BCKDHB: variants seen among roughly 807,000 people sequenced by gnomAD.
BCKDHB encodes the protein 2-oxoisovalerate dehydrogenase subunit beta, mitochondrial.
In BCKDHB, 41 loss-of-function variants were observed where a neutral mutation model predicts 48.5. The ratio of observed to expected loss-of-function variants is 0.85; its 90% CI spans 0.66 to 1.10. The LOEUF (loss-of-function observed/expected upper bound fraction) is 1.10, where lower values mean the gene tolerates loss of function less well. BCKDHB is among the 50% of genes least tolerant of loss of function. The probability of loss-of-function intolerance (pLI) is 0.00; values close to 1 mark genes in which losing one functional copy is unlikely to be tolerated. For missense variants in BCKDHB, 496 were observed against 494.2 expected, an observed-to-expected ratio of 1.00 and a Z score of -0.03; for synonymous variants, 201 against 174.8, an observed-to-expected ratio of 1.15 and a Z score of -1.18.
the BCKDHB span, among the ~76,000 whole-genome samples, chr6:80,405,864 A>C: frequency 6.6e-6 from 1 of 152,162 alleles, no homozygotes; most frequent in Non-Finnish European, 1.5e-5. Flanking sequence ...TCTAGGGTAC[A>C]TGTGGAAAAC....
chr6:80,203,083 A>T lies in BCKDHB; in HGVS notation c.841-19A>T. 1 of 1,549,282 alleles carries T rather than the reference A, an allele frequency of 6.5e-7. No homozygotes were observed. The highest frequency in any genetic ancestry group is 8.9e-7 in the Non-Finnish European group (1 of 1,121,502). ...GAACCTTTGTAGTCATTCTCTGCAT[A>T]TTTTTCTCTTTATTTCAGGTTCATG... On this transcript the variant is annotated intron_variant, in intron 7 of 9. Transcript: ENST00000320393.
At chr6:80,402,698 G>GT in the BCKDHB span, among the ~76,000 whole-genome samples, 1 of 151,728 alleles carries the variant, frequency 6.6e-6, no homozygotes, top group East Asian at 1.9e-4. Context: ...GTCAAGGAGT[G>GT]TTTTTTCTAT....
chr6:80,152,275 G>A (rs1771823246), intron 3 of BCKDHB, among the ~76,000 whole-genome samples: 1 of 151,796 alleles, frequency 6.6e-6, no homozygotes, highest in South Asian at 2.1e-4. Flanking sequence ...GTTTTAGATT[G>A]CTCCATTTAA....
chr6:80,459,035 T>G, the BCKDHB span, among the ~76,000 whole-genome samples: 3 of 152,134 alleles, frequency 2.0e-5, no homozygotes, highest in Non-Finnish European at 4.4e-5. Flanking sequence ...TTGATGGGAA[T>G]GCAAAGTGGT....
the BCKDHB span, among the ~76,000 whole-genome samples, chr6:80,378,511 G>T: frequency 6.6e-6 from 1 of 152,122 alleles, no homozygotes; most frequent in Admixed American, 6.6e-5. Flanking sequence ...TGTGTATAGA[G>T]AAAATGTGAT....
At chr6:80,267,355 C>T (rs1777555937) in intron 8 of BCKDHB, among the ~76,000 whole-genome samples, 1 of 152,050 alleles carries the variant, frequency 6.6e-6, no homozygotes, top group South Asian at 2.1e-4. Flanking sequence ...TGTCAGCTCC[C>T]TGAAATTCTA....
At chr6:80,200,852 C>G (rs1774355948) in intron 6 of BCKDHB, 82 bp from the exon 7 acceptor site, 1 of 1,101,518 alleles carries the variant, frequency 9.1e-7, no homozygotes, top group Non-Finnish European at 1.4e-6. Context: ...AGCTTTGCTA[C>G]AGTGAGCTTC....
chr6:80,400,254 T>C, the BCKDHB span, among the ~76,000 whole-genome samples: 1 of 151,900 alleles, frequency 6.6e-6, no homozygotes, highest in Admixed American at 6.6e-5. Flanking sequence ...ACTGAAGAGC[T>C]TCTACTCAGC....
intron 8 of BCKDHB, among the ~76,000 whole-genome samples, chr6:80,252,846 CAA>C (rs1314247285): frequency 1.3e-5 from 2 of 152,016 alleles, no homozygotes; most frequent in Non-Finnish European, 2.9e-5. Context: ...ACAGTTTAAA[CAA>C]AAGTCAGTTA....
the BCKDHB span, among the ~76,000 whole-genome samples, chr6:80,359,213 C>T: frequency 5.3e-5 from 8 of 152,292 alleles, no homozygotes; most frequent in East Asian, 1.9e-4. Flanking sequence ...TCAGCCTCTC[C>T]GGAGGCAGAG....
intron 9 of BCKDHB, among the ~76,000 whole-genome samples, chr6:80,285,691 A>G (rs1344102129): frequency 6.6e-6 from 1 of 152,146 alleles, no homozygotes; most frequent in Non-Finnish European, 1.5e-5. Flanking sequence ...TTTTGTCACC[A>G]TGGGTAAACT....
chr6:80,273,027 A>G (rs1777816135), intron 8 of BCKDHB, 108 bp from the exon 9 acceptor site: 1 of 827,024 alleles, frequency 1.2e-6, no homozygotes, highest in East Asian at 2.7e-5. Context: ...TGATTTTTAC[A>G]CTATTTATTG....
At chr6:80,152,242 A>G (rs1199384021) in intron 3 of BCKDHB, among the ~76,000 whole-genome samples, 4 of 152,148 alleles carry the variant, frequency 2.6e-5, no homozygotes, top group African/African-American at 9.7e-5. Context: ...GTATTCCTCC[A>G]AACTCCAACT....
chr6:80,390,592 ATTAAC>A, the BCKDHB span, among the ~76,000 whole-genome samples: 7 of 152,166 alleles, frequency 4.6e-5, no homozygotes, highest in Non-Finnish European at 7.3e-5. Context: ...GCATTTGAGT[ATTAAC>A]TTTATGTAAT....
chr6:80,231,921 C>T lies in BCKDHB; in HGVS notation c.951+28709C>T, dbSNP rs1274123188. Among the ~76,000 whole-genome samples the T allele has an allele frequency of 5.9e-5, 9 of 152,290 alleles. No homozygotes were observed. In the South Asian group the frequency reaches 1.2e-3, roughly 21 times the overall value. ...CAGAGGTTGCAATGAGCCGAGATTG[C>T]GCCACTGCACTCCAGCCAGGGTCAC... On this transcript the variant is annotated intron_variant, in intron 8 of 9. Transcript: ENST00000320393.
At chr6:80,360,299 C>T in the BCKDHB span, among the ~76,000 whole-genome samples, 1 of 152,198 alleles carries the variant, frequency 6.6e-6, no homozygotes, top group African/African-American at 2.4e-5. Flanking sequence ...AGCCCTAGAA[C>T]ATCAGCCTAT....
At position 80,177,176 on chromosome 6, in the gene BCKDHB, CA is replaced by C. The variant is rs571462176; in HGVS notation, c.742+5787del. ...TGGGGAGGCTGAGGCTGCAGTGAGC[CA>C]TGGTGGCACCACTGCATTCTAGCCT... On this transcript the variant is annotated intron_variant, in intron 6 of 9. Coordinates refer to ENST00000320393, the MANE Select transcript of BCKDHB (RefSeq NM_183050.4). 1.2e-3 allele frequency among the ~76,000 whole-genome samples: 158 copies of C among 129,506 alleles called. 1 individual carries two copies. Among genetic ancestry groups the C allele is most frequent in the African/African-American group, 4.4e-3 (146 of 33,554 alleles). 85.0% of individuals were successfully genotyped at this position (129,506 alleles called of 152,430 possible).
At chr6:80,107,289 G>GATATATAT in intron 1 of BCKDHB, among the ~76,000 whole-genome samples, 1 of 141,736 alleles carries the variant, frequency 7.1e-6, no homozygotes, top group East Asian at 2.1e-4. Context: ...GCATTTAAAA[G>GATATATAT]ATATATATAT....
chr6:80,397,903 CAACA>C, the BCKDHB span, among the ~76,000 whole-genome samples: 3 of 152,134 alleles, frequency 2.0e-5, no homozygotes, highest in African/African-American at 4.8e-5. Context: ...AACCAACAAA[CAACA>C]AACAAACAAA....
Sources: allele counts gnomAD v4.1 joint callset (sites outside exome capture counted in the v4.1 genomes callset), GRCh38; gene constraint gnomAD v4.1.1; transcripts MANE v1.5; gene names NCBI Gene and HGNC (gene_info 2026-07-23, HGNC 2026-07-21).